Variants in AKT3 observed in about 807,000 individuals in gnomAD.
AKT3 encodes RAC-gamma serine/threonine-protein kinase.
Under a neutral mutation model 65.3 loss-of-function variants are expected in AKT3, and 15 were observed. The observed-to-expected ratio is 0.23, with a 90% CI of 0.15 to 0.35. The LOEUF is 0.35. AKT3 is among the 10% of genes least tolerant of loss of function. The pLI is 1.00. For synonymous variants in AKT3, 206 were observed against 183.8 expected, an observed-to-expected ratio of 1.12 and a Z score of -0.98; for missense variants, 243 against 576.5, an observed-to-expected ratio of 0.42 and a Z score of 5.92.
intron 2 of AKT3, among the ~76,000 whole-genome samples, chr1:243,775,431 C>T (rs1225880697): frequency 2.0e-5 from 3 of 152,118 alleles, no homozygotes; most frequent in Non-Finnish European, 2.9e-5. Context: ...CTGCCCACCT[C>T]GGCCTCCCAA....
intron 13 of AKT3, among the ~76,000 whole-genome samples, chr1:243,488,783 T>C (rs556346516): frequency 6.6e-6 from 1 of 152,282 alleles, no homozygotes; most frequent in South Asian, 2.1e-4. Context: ...TGTTTTCTAA[T>C]TGATAGTGTA....
At chr1:243,645,108 T>C (rs2147842706) in intron 5 of AKT3, among the ~76,000 whole-genome samples, 1 of 152,268 alleles carries the variant, frequency 6.6e-6, no homozygotes, top group African/African-American at 2.4e-5. Flanking sequence ...AGGCAGTCTA[T>C]CTCCAAAGAG....
chr1:243,745,289 AT>A (rs1287673085), intron 2 of AKT3, among the ~76,000 whole-genome samples: 2 of 152,088 alleles, frequency 1.3e-5, no homozygotes, highest in African/African-American at 2.4e-5. Flanking sequence ...GCAGTGAGCT[AT>A]GATCATGCCA....
chr1:243,696,383 T>C (rs1350241705), intron 2 of AKT3, among the ~76,000 whole-genome samples: 1 of 151,900 alleles, frequency 6.6e-6, no homozygotes, highest in African/African-American at 2.4e-5. Context: ...AGTCAATAAA[T>C]GTATACTTTA....
intron 9 of AKT3, among the ~76,000 whole-genome samples, chr1:243,565,230 T>TA (rs893484002): frequency 4.6e-5 from 7 of 152,008 alleles, no homozygotes; most frequent in Admixed American, 6.6e-5. Context: ...GCTGAACCTT[T>TA]AAAAAAAAAT....
chr1:243,845,356 C>G (rs1031584293), intron 1 of AKT3, among the ~76,000 whole-genome samples: 3 of 150,462 alleles, frequency 2.0e-5, no homozygotes, highest in Non-Finnish European at 4.4e-5. Flanking sequence ...GTAATCCCAG[C>G]ACTTTGGGAG....
chr1:243,749,594 T>C (rs777510683), intron 2 of AKT3, among the ~76,000 whole-genome samples: 6 of 152,186 alleles, frequency 3.9e-5, no homozygotes, highest in South Asian at 2.1e-4. Context: ...TTTACTGTCA[T>C]CTAAGATTTG....
At chr1:243,646,346 CAT>C (rs1328414036) in intron 4 of AKT3, among the ~76,000 whole-genome samples, 1 of 150,906 alleles carries the variant, frequency 6.6e-6, no homozygotes, top group African/African-American at 2.4e-5. Flanking sequence ...TTTGTCTGTA[CAT>C]ATATATATCC....
intron 8 of AKT3, among the ~76,000 whole-genome samples, chr1:243,593,708 T>G (rs976534627): frequency 6.6e-6 from 1 of 152,084 alleles, no homozygotes; most frequent in African/African-American, 2.4e-5. Flanking sequence ...AACAACCATA[T>G]GATCACCTCA....
At chr1:243,792,355 T>C (rs904625128) in intron 2 of AKT3, among the ~76,000 whole-genome samples, 2 of 152,118 alleles carry the variant, frequency 1.3e-5, no homozygotes, top group African/African-American at 2.4e-5. Flanking sequence ...CCCGACATTA[T>C]AGATAAAAGT....
chr1:243,780,397 AAT>A (rs1690832439), intron 2 of AKT3, among the ~76,000 whole-genome samples: 2 of 151,994 alleles, frequency 1.3e-5, no homozygotes, highest in Admixed American at 1.3e-4. Context: ...ATATTATATC[AAT>A]GTTAATTTCT....
chr1:243,534,634 A>AATC (rs1445680629), intron 12 of AKT3, among the ~76,000 whole-genome samples: 1 of 152,236 alleles, frequency 6.6e-6, no homozygotes, highest in Non-Finnish European at 1.5e-5. Context: ...AATTTTTAAA[A>AATC]ATCATATAAA....
chr1:243,823,629 G>C (rs1049803227), intron 2 of AKT3, among the ~76,000 whole-genome samples: 1 of 152,048 alleles, frequency 6.6e-6, no homozygotes, highest in Non-Finnish European at 1.5e-5. Context: ...ACCAACAACA[G>C]ACAAGCAGAG....
rs1013792780 is a variant in AKT3, at chr1:243,812,285, T to C, written c.46+30840A>G. Among the ~76,000 whole-genome samples the C allele has an allele frequency of 1.6e-4, 25 of 151,936 alleles. 1 individual carries two copies. The highest frequency in any genetic ancestry group is 6.3e-4 in the South Asian group (3 of 4,800). On this transcript the variant is annotated intron_variant, in intron 2 of 13. Coordinates refer to ENST00000673466, the MANE Select transcript of AKT3 (RefSeq NM_005465.7). ...TGCAATCTACTCATCTGACAAAGGG[T>C]TAATATCCAGAATCTACAAAGAACT...
chr1:243,594,413 C>T (rs903231280), intron 8 of AKT3, among the ~76,000 whole-genome samples: 1 of 152,090 alleles, frequency 6.6e-6, no homozygotes, highest in Non-Finnish European at 1.5e-5. Context: ...GCAGAGGACA[C>T]AGAAGAGTCA....
chr1:243,685,684 G>A (rs1684239607), intron 3 of AKT3, among the ~76,000 whole-genome samples: 1 of 151,998 alleles, frequency 6.6e-6, no homozygotes, highest in Non-Finnish European at 1.5e-5. Context: ...CATTCCCTTT[G>A]AAAACCAGCA....
intron 2 of AKT3, among the ~76,000 whole-genome samples, chr1:243,748,383 T>G (rs1402579104): frequency 6.6e-6 from 1 of 151,480 alleles, no homozygotes; most frequent in African/African-American, 2.4e-5. Flanking sequence ...GGATAGACAG[T>G]GTTCTTCCTT....
At chr1:243,717,271 C>T (rs1686572177) in intron 2 of AKT3, among the ~76,000 whole-genome samples, 1 of 152,110 alleles carries the variant, frequency 6.6e-6, no homozygotes, top group Admixed American at 6.6e-5. Flanking sequence ...TTTTAGTATA[C>T]TAGGTAATCG....
At chr1:243,757,554 G>A (rs1355637393) in intron 2 of AKT3, among the ~76,000 whole-genome samples, 2 of 152,030 alleles carry the variant, frequency 1.3e-5, no homozygotes, top group South Asian at 2.1e-4. Context: ...GGAGGCGGAG[G>A]CTGCAGTGAG....
Sources: gnomAD v4.1 joint callset for allele counts (sites outside exome capture counted in the v4.1 genomes callset) on GRCh38, gnomAD v4.1.1 for gene constraint, MANE v1.5 for transcripts, NCBI Gene and HGNC (gene_info 2026-07-23, HGNC 2026-07-21) for gene names.